The following FOXP1 variants were observed in gnomAD, a reference collection of about 807,000 sequenced individuals.
FOXP1 encodes forkhead box P1.
Under a neutral mutation model 98.2 loss-of-function variants are expected in FOXP1, and 15 were observed. The observed-to-expected ratio is 0.15, with a 90% confidence interval of 0.10 to 0.24. The LOEUF (loss-of-function observed/expected upper bound fraction) is 0.24, where lower values mean the gene tolerates loss of function less well. Ranked by LOEUF, FOXP1 falls within the 10% of genes least tolerant of loss-of-function variation. The pLI is 1.00. For missense variants in FOXP1, 633 were observed against 848.5 expected (o/e 0.75, Z 3.15); for synonymous variants, 371 against 314.5 (o/e 1.18, Z -1.90).
At chr3:71,062,740 A>G (rs951270894) in intron 7 of FOXP1, among the ~76,000 whole-genome samples, 1 of 152,332 alleles carries the variant, frequency 6.6e-6, no homozygotes, top group African/African-American at 2.4e-5. Context: ...CAAGCTGCAC[A>G]TTTGGGCAGG....
chr3:70,966,817 A>G (rs1227067819), intron 19 of FOXP1, among the ~76,000 whole-genome samples: 3 of 152,354 alleles, frequency 2.0e-5, no homozygotes, highest in Admixed American at 1.3e-4. Flanking sequence ...AAGTGAGGAA[A>G]TGAAAAAGAA....
At chr3:71,343,042 T>C (rs1370724397) in intron 4 of FOXP1, among the ~76,000 whole-genome samples, 1 of 152,218 alleles carries the variant, frequency 6.6e-6, no homozygotes, top group Non-Finnish European at 1.5e-5. Flanking sequence ...AAGAACTCAG[T>C]AAGATGGTGC....
chr3:71,345,590 C>T (rs2077285832), intron 4 of FOXP1, among the ~76,000 whole-genome samples: 2 of 151,690 alleles, frequency 1.3e-5, no homozygotes, highest in East Asian at 1.9e-4. Context: ...TTCTTTTTTC[C>T]TACCCTGGTG....
chr3:71,220,850 G>A (rs1343440548), intron 5 of FOXP1, among the ~76,000 whole-genome samples: 2 of 150,508 alleles, frequency 1.3e-5, no homozygotes, highest in African/African-American at 2.4e-5. Context: ...CTGTACTTAG[G>A]AAACAGGAAG....
intron 2 of FOXP1, among the ~76,000 whole-genome samples, chr3:71,545,660 A>C (rs796153268): frequency 1.3e-5 from 2 of 152,330 alleles, no homozygotes; most frequent in South Asian, 4.1e-4. Context: ...TTCCATAATA[A>C]ATAGCTATAA....
At chr3:71,019,350 A>C (rs1350387604) in intron 11 of FOXP1, among the ~76,000 whole-genome samples, 1 of 152,232 alleles carries the variant, frequency 6.6e-6, no homozygotes, top group Non-Finnish European at 1.5e-5. Context: ...AAAAGCTGTC[A>C]GGGTCAGTGA....
At chr3:71,032,203 C>G (rs2046963903) in intron 11 of FOXP1, among the ~76,000 whole-genome samples, 1 of 152,236 alleles carries the variant, frequency 6.6e-6, no homozygotes, top group African/African-American at 2.4e-5. Flanking sequence ...ACTGAACAAG[C>G]TGTAAAACTC....
In FOXP1 at chr3:70,971,796, A is replaced by T. The variant is rs2036316541; in HGVS notation, c.1652+759T>A. On this transcript the variant is annotated intron_variant, in intron 18 of 20. Coordinates refer to ENST00000649528, the MANE Select transcript of FOXP1 (RefSeq NM_001349338.3). ...AAGCTGCTGAATCAAAATAGAACGA[A>T]TATTTGCATTAAAGACGTCAAAAAA... 1.5e-5 allele frequency: 6 copies of T among 407,096 alleles called. No homozygotes were observed. In the Middle Eastern group the frequency reaches 1.8e-3, roughly 122 times the overall value. 25.2% of individuals were successfully genotyped at this position (407,096 alleles called of 1,614,324 possible). A position where few individuals can be genotyped will look rare whatever the true frequency, so the allele number is the denominator to read the frequency against.
At chr3:70,982,960 C>G (rs2107423317) in intron 14 of FOXP1, among the ~76,000 whole-genome samples, 1 of 152,212 alleles carries the variant, frequency 6.6e-6, no homozygotes, top group East Asian at 1.9e-4. Context: ...TTCGGGCTCA[C>G]AGAACTTGTT....
intron 7 of FOXP1, among the ~76,000 whole-genome samples, chr3:71,081,103 G>A (rs769451755): frequency 3.9e-5 from 6 of 152,214 alleles, no homozygotes; most frequent in Non-Finnish European, 7.3e-5. Flanking sequence ...AACGCTAAGT[G>A]TTCTGCATTT....
At chr3:71,055,837 C>T (rs949358646) in intron 7 of FOXP1, among the ~76,000 whole-genome samples, 3 of 152,050 alleles carry the variant, frequency 2.0e-5, no homozygotes, top group Admixed American at 6.6e-5. Context: ...TTTTCCTCTG[C>T]GTTTCTTGGA....
rs1254193455 is a variant in FOXP1, at chr3:71,090,689, G to A, written c.282+21847C>T. Reference sequence around the variant, plus strand: ...ACTAGGAGGGGGTCAGAGTGGGGAAGCATGATCATTGCACTCTGTCTTTTC... The same window carrying A: ...ACTAGGAGGGGGTCAGAGTGGGGAAACATGATCATTGCACTCTGTCTTTTC... On this transcript the variant is annotated intron_variant, in intron 7 of 20. Coordinates refer to ENST00000649528, the MANE Select transcript of FOXP1 (RefSeq NM_001349338.3). Among the ~76,000 whole-genome samples, 3 of 152,194 alleles carry A rather than the reference G, an allele frequency of 2.0e-5. No homozygotes were observed. The East Asian group carries it at 5.8e-4, about 29-fold the overall frequency.
chr3:71,108,416 G>A (rs1254073925), intron 7 of FOXP1, among the ~76,000 whole-genome samples: 1 of 152,168 alleles, frequency 6.6e-6, no homozygotes, highest in African/African-American at 2.4e-5. Context: ...CACCTGCACT[G>A]TTAAGCATTT....
intron 7 of FOXP1, among the ~76,000 whole-genome samples, chr3:71,095,599 T>C (rs72947449): frequency 0.042 from 6,280 of 151,114 alleles, 467 homozygotes; most frequent in African/African-American, 0.15. Context: ...AGAAAGCTCC[T>C]AGATCAACAC....
chr3:71,238,170 T>C (rs1305581181), intron 5 of FOXP1, among the ~76,000 whole-genome samples: 1 of 152,220 alleles, frequency 6.6e-6, no homozygotes, highest in East Asian at 1.9e-4. Context: ...GCGGGGACCA[T>C]GCAGTGGTGA....
chr3:71,268,480 A>C (rs1228921951), intron 5 of FOXP1, among the ~76,000 whole-genome samples: 1 of 152,098 alleles, frequency 6.6e-6, no homozygotes, highest in Non-Finnish European at 1.5e-5. Context: ...TGAGCCAAGT[A>C]ATTAAAACCG....
In FOXP1 at chr3:71,232,411, T is replaced by G. The variant is rs529401411; in HGVS notation, c.-11-34019A>C. On this transcript the variant is annotated intron_variant, in intron 5 of 20. Coordinates refer to ENST00000649528, the MANE Select transcript of FOXP1 (RefSeq NM_001349338.3). ...CAGAGAGGAGAAGCAGCACTAATAA[T>G]AGTTATTCTACCCATCTGCTAGCTG... Among the ~76,000 whole-genome samples, 8 of 152,302 alleles carry G rather than the reference T, an allele frequency of 5.3e-5. No homozygotes were observed. The South Asian group carries it at 1.7e-3, about 32-fold the overall frequency.
In FOXP1 at chr3:71,187,991, G is replaced by A. The variant is rs537676157; in HGVS notation, c.180+10211C>T. Among the ~76,000 whole-genome samples the A allele has an allele frequency of 2.6e-5, 4 of 152,236 alleles. 1 individual carries two copies. The highest frequency in any genetic ancestry group is 9.6e-5 in the African/African-American group (4 of 41,542). ...AGGAGGCTATAAAGAGAACTACTTC[G>A]TATCATGCAGCCCTGAAAAATTAAC... On this transcript the variant is annotated intron_variant, in intron 6 of 20. Coordinates refer to ENST00000649528, the MANE Select transcript of FOXP1 (RefSeq NM_001349338.3).
intron 6 of FOXP1, among the ~76,000 whole-genome samples, chr3:71,127,521 C>G (rs374316926): frequency 6.6e-5 from 10 of 152,276 alleles, no homozygotes; most frequent in Admixed American, 4.6e-4. Flanking sequence ...CCTCCCTCCC[C>G]CAACCATCAA....
Sources: allele counts gnomAD v4.1 joint callset (sites outside exome capture counted in the v4.1 genomes callset), GRCh38; gene constraint gnomAD v4.1.1; transcripts MANE v1.5; gene names NCBI Gene and HGNC (gene_info 2026-07-23, HGNC 2026-07-21).